SCN9A: variants seen among roughly 807,000 people sequenced by gnomAD.
SCN9A encodes sodium channel protein type 9 subunit alpha.
Under a neutral mutation model 187.0 loss-of-function variants are expected in SCN9A, and 131 were observed. That is an observed-to-expected ratio of 0.70 (90% CI 0.61 to 0.81). The LOEUF is 0.81. Among genes scored for constraint, SCN9A ranks in the 30% least tolerant of loss-of-function variants. The pLI, the probability that SCN9A is intolerant of heterozygous loss-of-function variation, is 0.00. For missense variants in SCN9A, 2,252 were observed against 2,396.6 expected (o/e 0.94, Z 1.26); for synonymous variants, 809 against 808.6 (o/e 1.00, Z -0.01).
At chr2:166,350,916 A>G (rs546880794) in intron 1 of SCN9A, among the ~76,000 whole-genome samples, 1 of 152,336 alleles carries the variant, frequency 6.6e-6, no homozygotes, top group East Asian at 1.9e-4. Context: ...AACTACAAAT[A>G]TAAAGCGAAT....
chr2:166,313,567 A>G (rs1273711118), intron 1 of SCN9A, among the ~76,000 whole-genome samples: 2 of 152,042 alleles, frequency 1.3e-5, no homozygotes, highest in Non-Finnish European at 2.9e-5. Context: ...CCTTCATACA[A>G]TTGGAGTTAT....
At chr2:166,299,028 C>T (rs1698439245) in intron 7 of SCN9A, among the ~76,000 whole-genome samples, 1 of 152,202 alleles carries the variant, frequency 6.6e-6, no homozygotes, top group Admixed American at 6.5e-5. Context: ...TGAACTCAAT[C>T]ATCTTTTGAT....
intron 17 of SCN9A, among the ~76,000 whole-genome samples, chr2:166,253,220 A>C (rs1055369329): frequency 6.6e-6 from 1 of 151,858 alleles, no homozygotes; most frequent in Non-Finnish European, 1.5e-5. Flanking sequence ...AGTATTGTAC[A>C]TAAGGAATGA....
rs1302526702 is a variant in SCN9A, at chr2:166,335,602, G to A, written c.-50-23796C>T. Among the ~76,000 whole-genome samples the A allele has an allele frequency of 3.3e-5, 5 of 152,134 alleles. No individual in the cohort carries two copies. The East Asian group carries it at 9.6e-4, about 29-fold the overall frequency. On this transcript the variant is annotated intron_variant, in intron 1 of 26. Transcript: ENST00000642356. The stretch of plus-strand genomic sequence containing the variant: ...CACCATAGGGGCAGGCACTGACAGG[G>A]TGATGTTCGGGACTGGGAGTTTATC...
At chr2:166,344,484 T>C (rs987309596) in intron 1 of SCN9A, among the ~76,000 whole-genome samples, 1 of 152,078 alleles carries the variant, frequency 6.6e-6, no homozygotes, top group African/African-American at 2.4e-5. Context: ...GCTTAGAAAA[T>C]AGTCCTTCAA....
intron 5 of SCN9A, among the ~76,000 whole-genome samples, chr2:166,305,020 A>C (rs1420819352): frequency 6.6e-6 from 1 of 152,096 alleles, no homozygotes; most frequent in Non-Finnish European, 1.5e-5. Context: ...GCCCCATCAT[A>C]TGTGACCTCA....
rs1574883280 is a variant in SCN9A, at chr2:166,293,331, T to G, written c.1007A>C (p.Asn336Thr). ...AAAGCTCGTGTAGCCATAATCAGGG[T>G]TTCTGCCAATTTTCACACAGGTGTA... Reference protein sequence around the residue: ...EGYTCVKIGRNPDYGYTSFDT... With the variant: ...EGYTCVKIGRTPDYGYTSFDT... The change falls in exon 9 of 27, where the codon AAC becomes ACC. Residue 336 changes from asparagine to threonine, a missense_variant. Physicochemically the swap from Asn to Thr is moderately conservative, Grantham distance 65 (BLOSUM62 0). This residue lies in a region of SCN9A where 1,013 missense variants were observed against 997.4 expected (regional missense o/e 1.02). Transcript: ENST00000642356. The G allele has an allele frequency of 6.2e-7, 1 of 1,609,014 alleles. No homozygotes were observed. Among genetic ancestry groups the G allele is most frequent in the Non-Finnish European group, 8.5e-7 (1 of 1,177,606 alleles).
At chr2:166,263,064 G>A (rs1310235613) in intron 17 of SCN9A, among the ~76,000 whole-genome samples, 1 of 151,826 alleles carries the variant, frequency 6.6e-6, no homozygotes, top group African/African-American at 2.4e-5. Flanking sequence ...TTCCCCCAAG[G>A]TTATACCCTT....
At chr2:166,261,429 C>T (rs150145583) in intron 17 of SCN9A, among the ~76,000 whole-genome samples, 13 of 151,972 alleles carry the variant, frequency 8.6e-5, no homozygotes, top group East Asian at 1.9e-4. Context: ...ACTTCTGCTT[C>T]GTTCTATTTC....
intron 18 of SCN9A, among the ~76,000 whole-genome samples, chr2:166,244,921 T>C: frequency 6.6e-6 from 1 of 152,080 alleles, no homozygotes; most frequent in Non-Finnish European, 1.5e-5. Context: ...GAAATGCCAA[T>C]AAAACAGATA....
chr2:166,330,732 T>A (rs567759326), intron 1 of SCN9A, among the ~76,000 whole-genome samples: 3 of 152,116 alleles, frequency 2.0e-5, no homozygotes, highest in African/African-American at 7.2e-5. Context: ...GCAACTTAGA[T>A]CCCTCGTATG....
At chr2:166,371,446 T>G (rs1051850341) in intron 1 of SCN9A, among the ~76,000 whole-genome samples, 3 of 152,138 alleles carry the variant, frequency 2.0e-5, no homozygotes, top group Admixed American at 2.0e-4. Context: ...TGCCAAGAGC[T>G]GATGGCTTTT....
intron 1 of SCN9A, among the ~76,000 whole-genome samples, chr2:166,370,727 T>G (rs968977423): frequency 6.6e-6 from 1 of 151,978 alleles, no homozygotes; most frequent in Admixed American, 6.5e-5. Context: ...TCCAATTATT[T>G]GTACTAATAG....
intron 1 of SCN9A, among the ~76,000 whole-genome samples, chr2:166,342,502 T>G (rs1378402287): frequency 1.3e-5 from 2 of 152,208 alleles, no homozygotes; most frequent in Non-Finnish European, 2.9e-5. Context: ...TGGCTTAAAC[T>G]GTTTTTTAAA....
intron 4 of SCN9A, 78 bp from the exon 5 acceptor site, chr2:166,305,998 CTAAT>C (rs1375631129): frequency 1.3e-6 from 2 of 1,548,166 alleles, no homozygotes; most frequent in Non-Finnish European, 1.8e-6. Context: ...CTTATTTTCT[CTAAT>C]TAACCACTGG....
At chr2:166,350,501 GA>G (rs1439179457) in intron 1 of SCN9A, among the ~76,000 whole-genome samples, 1 of 152,186 alleles carries the variant, frequency 6.6e-6, no homozygotes, top group Non-Finnish European at 1.5e-5. Context: ...ATTTGGGGAA[GA>G]GGAATTAGTA....
intron 14 of SCN9A, among the ~76,000 whole-genome samples, chr2:166,278,652 T>C (rs548864229): frequency 6.6e-6 from 1 of 152,192 alleles, no homozygotes; most frequent in Non-Finnish European, 1.5e-5. Context: ...CAAAAAGTTG[T>C]TCTGGAAGAA....
At position 166,284,460 on chromosome 2, in the gene SCN9A, T is replaced by C. The variant is rs370710396; in HGVS notation, c.1967A>G (p.Asp656Gly). The C allele has an allele frequency of 1.9e-6, 3 of 1,611,442 alleles. No individual in the cohort carries two copies. Among genetic ancestry groups the C allele is most frequent in the Non-Finnish European group, 2.5e-6 (3 of 1,178,846 alleles). The change falls in exon 12 of 27, where the codon GAT (aspartate) becomes GGT (glycine). Residue 656 changes from aspartate to glycine, a missense_variant. Around this residue, in one of 7 missense-constraint regions of SCN9A, gnomAD observed 1,013 missense variants for 997.4 expected, o/e 1.02. Transcript: ENST00000642356. ...PEVIIDKATS[D>G]DSGTTNQIHK... ...TATGTAAAACGTCCTTACGCTGTCATCAGAAGTTGCCTTATCTATTATCAC... is the reference window on the plus strand; with the variant it reads ...TATGTAAAACGTCCTTACGCTGTCACCAGAAGTTGCCTTATCTATTATCAC...
intron 13 of SCN9A, 78 bp from the exon 14 acceptor site, chr2:166,280,673 T>C: frequency 1.2e-6 from 1 of 803,262 alleles, no homozygotes; most frequent in South Asian, 1.8e-5. Flanking sequence ...CAGTCAGGCA[T>C]TCTAATATTG....
Sources: gnomAD v4.1 joint callset for allele counts (sites outside exome capture counted in the v4.1 genomes callset) on GRCh38, gnomAD v4.1.1 for gene constraint, gnomAD v4.1.1 regional missense constraint, MANE v1.5 for transcripts, NCBI Gene and HGNC (gene_info 2026-07-23, HGNC 2026-07-21) for gene names.